OSTF1: variants seen among roughly 807,000 people sequenced by gnomAD.
OSTF1 encodes the protein osteoclast-stimulating factor 1.
In OSTF1, 27 loss-of-function variants were observed where a neutral mutation model predicts 37.2. That is an observed-to-expected ratio of 0.73 (90% CI 0.54 to 1.00). The LOEUF is 1.00. Ranked by LOEUF, OSTF1 falls within the 50% of genes least tolerant of loss-of-function variation. The probability of loss-of-function intolerance (pLI) is 0.00; values close to 1 mark genes in which losing one functional copy is unlikely to be tolerated. For missense variants in OSTF1, 232 were observed against 253.8 expected (o/e 0.91, Z 0.58); for synonymous variants, 82 against 89.2 (o/e 0.92, Z 0.46).
chr9:75,146,649 C>A, intron 9 of OSTF1, 34 bp from the exon 10 acceptor site: 1 of 1,468,796 alleles, frequency 6.8e-7, no homozygotes, highest in South Asian at 1.2e-5. Context: ...TTATAATTTC[C>A]CTATTTTGCT....
intron 3 of OSTF1, among the ~76,000 whole-genome samples, chr9:75,129,378 T>G (rs948163657): frequency 2.0e-5 from 3 of 152,162 alleles, no homozygotes; most frequent in African/African-American, 7.2e-5. Flanking sequence ...AGTTTTTGTT[T>G]AAAGAGGTAT....
In OSTF1 at chr9:75,114,694, C is replaced by T. The variant is rs567194506; in HGVS notation, c.35-2810C>T. ...CCCACCTCTTGAGTAGCTGGGACTACAGGTGTGTGCCACCAAGCCTGGCTA... is the reference window on the plus strand; with the variant it reads ...CCCACCTCTTGAGTAGCTGGGACTATAGGTGTGTGCCACCAAGCCTGGCTA... On this transcript the variant is annotated intron_variant, in intron 1 of 9. Transcript: ENST00000346234. Among the ~76,000 whole-genome samples the T allele has an allele frequency of 7.2e-5, 11 of 152,194 alleles. No individual in the cohort carries two copies. The South Asian group carries it at 2.1e-3, about 29-fold the overall frequency.
intron 4 of OSTF1, among the ~76,000 whole-genome samples, chr9:75,131,499 G>A (rs1411500668): frequency 1.3e-5 from 2 of 152,078 alleles, no homozygotes; most frequent in Non-Finnish European, 2.9e-5. Context: ...TCAGGTATGC[G>A]GGTTTGTTTG....
intron 3 of OSTF1, among the ~76,000 whole-genome samples, chr9:75,129,116 A>C (rs1370830292): frequency 6.6e-6 from 1 of 152,184 alleles, no homozygotes; most frequent in Non-Finnish European, 1.5e-5. Flanking sequence ...GAACTTGAAG[A>C]GACTCCCACT....
intron 1 of OSTF1, among the ~76,000 whole-genome samples, chr9:75,099,742 T>C (rs1394004029): frequency 6.6e-6 from 1 of 152,030 alleles, no homozygotes; most frequent in Admixed American, 6.5e-5. Flanking sequence ...GGCAGGAGAA[T>C]AGCCTGAACC....
intron 6 of OSTF1, 27 bp downstream of exon 6, chr9:75,133,428 T>G: frequency 1.5e-6 from 2 of 1,323,710 alleles, no homozygotes; most frequent in Non-Finnish European, 2.2e-6. Context: ...GTTATATGTT[T>G]CTATGCTGCT....
intron 1 of OSTF1, among the ~76,000 whole-genome samples, chr9:75,115,886 T>C (rs941152285): frequency 2.6e-5 from 4 of 152,016 alleles, no homozygotes; most frequent in African/African-American, 9.7e-5. Context: ...GGCAGATCGC[T>C]TGAAGTCAGG....
At chr9:75,139,994 A>G (rs1444500897) in intron 8 of OSTF1, among the ~76,000 whole-genome samples, 1 of 152,260 alleles carries the variant, frequency 6.6e-6, no homozygotes, top group Non-Finnish European at 1.5e-5. Context: ...GCCCGTCAAT[A>G]CAGGAGTAAT....
intron 1 of OSTF1, among the ~76,000 whole-genome samples, chr9:75,092,070 A>G (rs1422876169): frequency 6.6e-6 from 1 of 152,234 alleles, no homozygotes; most frequent in African/African-American, 2.4e-5. Flanking sequence ...AGCATGGCTC[A>G]ATTCAGTAGA....
At chr9:75,127,162 G>T (rs902431709) in intron 2 of OSTF1, among the ~76,000 whole-genome samples, 1 of 152,134 alleles carries the variant, frequency 6.6e-6, no homozygotes, top group African/African-American at 2.4e-5. Flanking sequence ...AAGGATTGAG[G>T]CCTTGTTTAA....
At chr9:75,145,161 A>AT (rs376278934) in intron 9 of OSTF1, among the ~76,000 whole-genome samples, 42 of 61,064 alleles carry the variant, frequency 6.9e-4, no homozygotes, top group East Asian at 3.3e-3. Context: ...CTATCTATCT[A>AT]CCTATCTATC....
In OSTF1 at chr9:75,110,263, C is replaced by A. The variant is rs998258349; in HGVS notation, c.35-7241C>A. On this transcript the variant is annotated intron_variant, in intron 1 of 9. Transcript: ENST00000346234. ...ACACTGCCTTTTCAACTGTACCTCC[C>A]CCAACCCTTGACAACCACTGATCTT... Among the ~76,000 whole-genome samples, 3 of 152,198 alleles carry A rather than the reference C, an allele frequency of 2.0e-5. No individual in the cohort carries two copies. In the East Asian group the frequency reaches 5.8e-4, roughly 29 times the overall value.
chr9:75,115,593 A>T (rs1333298214), intron 1 of OSTF1, among the ~76,000 whole-genome samples: 14 of 151,164 alleles, frequency 9.3e-5, no homozygotes, highest in Admixed American at 9.2e-4. Flanking sequence ...CTCTATTTTG[A>T]TATCTGTTCT....
At chr9:75,088,785 C>A (rs550768806) in intron 1 of OSTF1, 59 bp downstream of exon 1, 23 of 1,527,678 alleles carry the variant, frequency 1.5e-5, no homozygotes, top group South Asian at 3.5e-5. Context: ...GCCGGCGCCT[C>A]CTCTGCAGCT....
At chr9:75,139,645 A>G (rs1335606492) in intron 8 of OSTF1, among the ~76,000 whole-genome samples, 1 of 151,574 alleles carries the variant, frequency 6.6e-6, no homozygotes, top group East Asian at 1.9e-4. Context: ...CTGGTCTTGA[A>G]CTCCTGACCT....
chr9:75,146,278 C>T (rs1826022954), intron 9 of OSTF1, among the ~76,000 whole-genome samples: 1 of 152,280 alleles, frequency 6.6e-6, no homozygotes, highest in African/African-American at 2.4e-5. Context: ...TTTCCTTTTT[C>T]CCCTTCGGTA....
At chr9:75,091,799 C>T (rs1824980285) in intron 1 of OSTF1, among the ~76,000 whole-genome samples, 1 of 152,126 alleles carries the variant, frequency 6.6e-6, no homozygotes, top group African/African-American at 2.4e-5. Flanking sequence ...GACAGACCTG[C>T]ATGTGTAGTA....
rs114699353 is a variant in OSTF1, at chr9:75,124,201, C to T, written c.82-3368C>T. ...ATGGGGCACATGAGATGTTTGGATACAGGCATGCAATGTGGAATCACATCA... is the reference window on the plus strand; with the variant it reads ...ATGGGGCACATGAGATGTTTGGATATAGGCATGCAATGTGGAATCACATCA... On this transcript the variant is annotated intron_variant, in intron 2 of 9. Transcript: ENST00000346234. Among the ~76,000 whole-genome samples the T allele has an allele frequency of 1.6e-3, 248 of 152,178 alleles. 2 individuals are homozygous for T. Among genetic ancestry groups the T allele is most frequent in the African/African-American group, 5.9e-3 (246 of 41,516 alleles).
intron 1 of OSTF1, among the ~76,000 whole-genome samples, chr9:75,110,904 G>T (rs1489019824): frequency 6.6e-6 from 1 of 151,778 alleles, no homozygotes; most frequent in Non-Finnish European, 1.5e-5. Flanking sequence ...TTTTTTTGTA[G>T]AGCTGGGGTC....
Sources: allele counts gnomAD v4.1 joint callset (sites outside exome capture counted in the v4.1 genomes callset), GRCh38; gene constraint gnomAD v4.1.1; transcripts MANE v1.5; gene names NCBI Gene and HGNC (gene_info 2026-07-23, HGNC 2026-07-21).